The following TPTE2 variants were observed in gnomAD, a reference collection of about 807,000 sequenced individuals.
The protein encoded by TPTE2 is phosphatidylinositol 3,4,5-trisphosphate 3-phosphatase TPTE2.
Under a neutral mutation model 78.6 loss-of-function variants are expected in TPTE2, and 53 were observed. The observed-to-expected ratio is 0.67, with a 90% CI of 0.54 to 0.85. The LOEUF (loss-of-function observed/expected upper bound fraction) is 0.85. TPTE2 is among the 40% of genes least tolerant of loss of function. TPTE2 has a pLI of 0.00. For missense variants in TPTE2, 461 were observed against 623.0 expected (o/e 0.74, Z 2.77); for synonymous variants, 175 against 206.2 (o/e 0.85, Z 1.30).
chr13:19,504,234 C>A (rs1200117230), upstream of TPTE2, among the ~76,000 whole-genome samples: 1 of 152,132 alleles, frequency 6.6e-6, no homozygotes, highest in Non-Finnish European at 1.5e-5. Context: ...TTGAAGGAAG[C>A]ACAAACTAAG....
intron 13 of TPTE2, among the ~76,000 whole-genome samples, chr13:19,446,242 T>C (rs1877826400): frequency 6.6e-6 from 1 of 152,178 alleles, no homozygotes; most frequent in Admixed American, 6.5e-5. Flanking sequence ...ATTTTAAAAT[T>C]GAATGTAATA....
chr13:19,529,047 G>A (rs1457129880), intron 1 of TPTE2, among the ~76,000 whole-genome samples: 6 of 152,312 alleles, frequency 3.9e-5, no homozygotes, highest in Non-Finnish European at 7.4e-5. Context: ...TGAACCCAGA[G>A]GCGGGGGTTG....
the TPTE2 span, chr13:19,560,819 G>A: frequency 2.6e-6 from 4 of 1,511,526 alleles, no homozygotes; most frequent in Admixed American, 1.9e-5. Context: ...CACCCCGGAC[G>A]CGGTCCAGGC....
At chr13:19,435,531 T>C (rs548857623) in intron 15 of TPTE2, among the ~76,000 whole-genome samples, 1 of 152,062 alleles carries the variant, frequency 6.6e-6, no homozygotes, top group African/African-American at 2.4e-5. Context: ...TGAGGATATA[T>C]TGTATGATGC....
chr13:19,427,562 A>G (rs1201912189), intron 17 of TPTE2, among the ~76,000 whole-genome samples: 1 of 152,226 alleles, frequency 6.6e-6, no homozygotes, highest in Non-Finnish European at 1.5e-5. Context: ...AAAGCAATGC[A>G]TAACTTATCA....
the TPTE2 span, among the ~76,000 whole-genome samples, chr13:19,558,881 A>AT: frequency 5.9e-5 from 9 of 152,318 alleles, no homozygotes; most frequent in Admixed American, 1.3e-4. Context: ...ACAAAGATTC[A>AT]TTTTTTTACA....
At chr13:19,459,939 C>T (rs1878783599) in intron 10 of TPTE2, among the ~76,000 whole-genome samples, 1 of 152,208 alleles carries the variant, frequency 6.6e-6, no homozygotes. Flanking sequence ...TTCCAACCCG[C>T]TGCTGTTGGC....
chr13:19,464,783 T>A (rs1023642997), intron 9 of TPTE2, among the ~76,000 whole-genome samples: 4 of 152,212 alleles, frequency 2.6e-5, no homozygotes, highest in African/African-American at 9.6e-5. Context: ...CAGTCTGAAG[T>A]TCCCCCTGTT....
chr13:19,502,438 C>T (rs1868651974), intron 1 of TPTE2, among the ~76,000 whole-genome samples: 1 of 151,154 alleles, frequency 6.6e-6, no homozygotes, highest in South Asian at 2.1e-4. Flanking sequence ...GAAAATGTGG[C>T]ACATATACAC....
At chr13:19,560,837 C>A in the TPTE2 span, 26 of 1,551,628 alleles carry the variant, frequency 1.7e-5, no homozygotes, top group East Asian at 5.7e-4. Flanking sequence ...GGCGCGCTCC[C>A]GCAGGCTCTT....
Position 19,493,572 on chromosome 13 carries a change from T to C in TPTE2, c.12-71A>G, listed in dbSNP as rs532392295. 2.3e-4 allele frequency: 314 copies of C among 1,378,566 alleles called. 1 individual carries two copies. Among genetic ancestry groups the C allele is most frequent in the Middle Eastern group, 1.5e-3 (6 of 4,128 alleles). 85.4% of individuals were successfully genotyped at this position (1,378,566 alleles called of 1,614,324 possible). On this transcript the variant is annotated intron_variant, in intron 1 of 19. Coordinates refer to ENST00000400230, the Ensembl canonical transcript of TPTE2. ...GAATTTATATTTTGGAAAAATTACC[T>C]TTCATTACTCTAGACAGAAACCAAT...
chr13:19,435,129 T>G (rs1876976892), intron 15 of TPTE2, among the ~76,000 whole-genome samples: 1 of 152,214 alleles, frequency 6.6e-6, no homozygotes, highest in Non-Finnish European at 1.5e-5. Context: ...CTTAGATTCT[T>G]AAAAGAGACT....
intron 17 of TPTE2, among the ~76,000 whole-genome samples, chr13:19,426,971 C>T (rs752740730): frequency 2.0e-5 from 3 of 151,088 alleles, no homozygotes; most frequent in Non-Finnish European, 4.4e-5. Context: ...TCCCAAAGTG[C>T]TGGATTACAG....
intron 5 of TPTE2, among the ~76,000 whole-genome samples, chr13:19,475,348 C>T (rs1034923843): frequency 6.6e-6 from 1 of 152,034 alleles, no homozygotes; most frequent in Non-Finnish European, 1.5e-5. Context: ...GCCTCAGCCT[C>T]CTGAGTAGCT....
At chr13:19,543,745 G>C in the TPTE2 span, among the ~76,000 whole-genome samples, 1 of 152,046 alleles carries the variant, frequency 6.6e-6, no homozygotes, top group Non-Finnish European at 1.5e-5. Flanking sequence ...AGATGGAATT[G>C]TGAAAAACGT....
intron 7 of TPTE2, among the ~76,000 whole-genome samples, chr13:19,466,524 T>TA (rs1291609916): frequency 2.6e-5 from 4 of 152,094 alleles, no homozygotes; most frequent in Non-Finnish European, 5.9e-5. Flanking sequence ...ATTGTCACAG[T>TA]AAAAAAAGAA....
intron 5 of TPTE2, among the ~76,000 whole-genome samples, chr13:19,474,613 T>C (rs1252188329): frequency 6.6e-6 from 1 of 152,228 alleles, no homozygotes; most frequent in Non-Finnish European, 1.5e-5. Flanking sequence ...TGGGTGCTTC[T>C]AGCATAGTGA....
At chr13:19,509,432 G>C (rs1400670822) in intron 1 of TPTE2, among the ~76,000 whole-genome samples, 1 of 152,062 alleles carries the variant, frequency 6.6e-6, no homozygotes, top group African/African-American at 2.4e-5. Flanking sequence ...TACAAGAAGG[G>C]AGCATAACTA....
chr13:19,532,705 A>G (rs1430813335), intron 1 of TPTE2, among the ~76,000 whole-genome samples: 1 of 152,154 alleles, frequency 6.6e-6, no homozygotes, highest in Non-Finnish European at 1.5e-5. Flanking sequence ...CTTTCCTATG[A>G]GCATGTTGCC....
Sources: allele counts gnomAD v4.1 joint callset (sites outside exome capture counted in the v4.1 genomes callset), GRCh38; gene constraint gnomAD v4.1.1; transcripts MANE v1.5; gene names NCBI Gene and HGNC (gene_info 2026-07-23, HGNC 2026-07-21).